Variants in SCML4 observed in about 807,000 individuals in gnomAD.
SCML4 encodes the protein Scm polycomb group protein like 4, also known as sex comb on midleg-like protein 4.
A neutral mutation model predicts 41.1 loss-of-function variants in SCML4; 34 were observed. That is an observed-to-expected ratio of 0.83 (90% CI 0.63 to 1.10). The LOEUF (loss-of-function observed/expected upper bound fraction) is 1.10. Ranked by LOEUF, SCML4 falls within the 50% of genes least tolerant of loss-of-function variation. The pLI is 0.00. For missense variants in SCML4, 522 were observed against 534.1 expected, an observed-to-expected ratio of 0.98 and a Z score of 0.22; for synonymous variants, 214 against 220.9, an observed-to-expected ratio of 0.97 and a Z score of 0.28.
intron 6 of SCML4, among the ~76,000 whole-genome samples, chr6:107,711,968 CTT>C (rs1419460957): frequency 1.3e-5 from 2 of 152,104 alleles, no homozygotes; most frequent in Non-Finnish European, 2.9e-5. Flanking sequence ...ATTGGATTGA[CTT>C]TGAGATCTTC....
intron 1 of SCML4, among the ~76,000 whole-genome samples, chr6:107,784,509 A>G (rs1477807079): frequency 6.6e-6 from 1 of 152,252 alleles, no homozygotes; most frequent in Non-Finnish European, 1.5e-5. Flanking sequence ...TGGATGCATA[A>G]GATACCACTG....
At chr6:107,831,400 A>G in the SCML4 span, among the ~76,000 whole-genome samples, 1 of 84,392 alleles carries the variant, frequency 1.2e-5, no homozygotes, top group Non-Finnish European at 2.2e-5. Flanking sequence ...GCAGTCTGAA[A>G]TTTTCATTCT....
chr6:107,816,373 T>C (rs1389582412), intron 1 of SCML4, among the ~76,000 whole-genome samples: 1 of 152,140 alleles, frequency 6.6e-6, no homozygotes, highest in Admixed American at 6.5e-5. Context: ...CATTCAGCAG[T>C]GGGGACTGAC....
intron 1 of SCML4, among the ~76,000 whole-genome samples, chr6:107,774,132 C>T (rs912634397): frequency 3.9e-5 from 6 of 152,072 alleles, no homozygotes; most frequent in Admixed American, 6.5e-5. Flanking sequence ...AAACAGAAAA[C>T]AATGCATTGT....
At chr6:107,731,134 C>T (rs766086988) in intron 5 of SCML4, among the ~76,000 whole-genome samples, 6 of 151,988 alleles carry the variant, frequency 3.9e-5, no homozygotes, top group Admixed American at 6.6e-5. Flanking sequence ...GAGAAAGCCA[C>T]GAGCCAGAGA....
intron 2 of SCML4, among the ~76,000 whole-genome samples, chr6:107,756,713 G>A (rs190027029): frequency 9.9e-5 from 15 of 152,184 alleles, no homozygotes; most frequent in Admixed American, 9.2e-4. Flanking sequence ...CGGGGTACGT[G>A]AGAATTCTCT....
In SCML4 at chr6:107,772,376, C is replaced by T. The variant is rs6909292; in HGVS notation, c.-49G>A. ...AATGAGGTGACAAATCGCTCACAGG[C>T]AGAAGAGGTGCTAAGAATTAGTCCA... On this transcript the variant is annotated 5_prime_UTR_variant, in exon 2 of 8. Coordinates refer to ENST00000369020, the MANE Select transcript of SCML4 (RefSeq NM_198081.5). The T allele has an allele frequency of 0.51, 770,127 of 1,511,144 alleles. 202,226 individuals are homozygous for T. The highest frequency in any genetic ancestry group is 0.71 in the East Asian group (28,869 of 40,656). 93.6% of individuals were successfully genotyped at this position (1,511,144 alleles called of 1,614,324 possible).
At chr6:107,777,709 T>C (rs1439664346) in intron 1 of SCML4, among the ~76,000 whole-genome samples, 2 of 152,116 alleles carry the variant, frequency 1.3e-5, no homozygotes, top group Non-Finnish European at 2.9e-5. Flanking sequence ...AAACAGATGA[T>C]GGACAGGAGT....
In SCML4 at chr6:107,705,057, CA is replaced by C. The variant is rs1773468627; in HGVS notation, c.*142del. 1 of 805,188 alleles carries C rather than the reference CA, an allele frequency of 1.2e-6. No individual in the cohort carries two copies. Among genetic ancestry groups the C allele is most frequent in the African/African-American group, 1.7e-5 (1 of 57,562 alleles). The allele number at this position is 805,188 out of a possible 1,614,324, so 49.9% of individuals were successfully genotyped here. ...AAATTCTTCAAAAGGCAAAGATTCA[CA>C]AGTTTTATAAAAAGACCACGTCTCT... is the stretch of plus-strand genomic sequence containing the variant. On this transcript the variant is annotated 3_prime_UTR_variant, in exon 8 of 8. Transcript: ENST00000369020.
chr6:107,822,815 C>T (rs1190668278), intron 1 of SCML4, among the ~76,000 whole-genome samples: 3 of 152,124 alleles, frequency 2.0e-5, no homozygotes, highest in East Asian at 1.9e-4. Context: ...TGAGTTTAGA[C>T]GATCACGCAG....
chr6:107,771,896 G>A (rs1479329422), intron 2 of SCML4, among the ~76,000 whole-genome samples: 2 of 152,202 alleles, frequency 1.3e-5, no homozygotes, highest in Non-Finnish European at 2.9e-5. Flanking sequence ...TTAATAATGT[G>A]TGTTTAGCGA....
intron 5 of SCML4, among the ~76,000 whole-genome samples, chr6:107,724,069 A>C (rs904608813): frequency 1.3e-5 from 2 of 152,220 alleles, no homozygotes; most frequent in African/African-American, 4.8e-5. Context: ...TCACACAATC[A>C]CCTCAACAGA....
At chr6:107,805,611 C>T (rs1427490374) in intron 1 of SCML4, among the ~76,000 whole-genome samples, 1 of 152,178 alleles carries the variant, frequency 6.6e-6, no homozygotes, top group Non-Finnish European at 1.5e-5. Flanking sequence ...TGTCAAACTA[C>T]ACTTGAAAAA....
chr6:107,778,409 T>C (rs1233488212), intron 1 of SCML4, among the ~76,000 whole-genome samples: 1 of 151,312 alleles, frequency 6.6e-6, no homozygotes, highest in Non-Finnish European at 1.5e-5. Context: ...TTAGTAGTCA[T>C]TAAAAGAGTC....
At chr6:107,762,646 T>A (rs942614607) in intron 2 of SCML4, among the ~76,000 whole-genome samples, 2 of 152,048 alleles carry the variant, frequency 1.3e-5, no homozygotes, top group African/African-American at 4.8e-5. Flanking sequence ...TGGAAGATGA[T>A]GGGAAGACAT....
chr6:107,831,661 G>T, the SCML4 span, among the ~76,000 whole-genome samples: 2 of 152,226 alleles, frequency 1.3e-5, no homozygotes, highest in Admixed American at 6.5e-5. Flanking sequence ...GCTCATGCCT[G>T]TGGTCCCAGC....
chr6:107,767,398 G>A (rs546141346), intron 2 of SCML4, among the ~76,000 whole-genome samples: 104 of 152,262 alleles, frequency 6.8e-4, no homozygotes, highest in African/African-American at 2.2e-3. Flanking sequence ...ACAAACAAAC[G>A]AAAACCCTTT....
intron 1 of SCML4, among the ~76,000 whole-genome samples, chr6:107,818,630 C>G (rs943226863): frequency 6.6e-6 from 1 of 152,228 alleles, no homozygotes; most frequent in African/African-American, 2.4e-5. Flanking sequence ...TATAATCACT[C>G]AGAAATGGTT....
At chr6:107,739,513 T>A (rs1425325790) in intron 5 of SCML4, among the ~76,000 whole-genome samples, 1 of 152,164 alleles carries the variant, frequency 6.6e-6, no homozygotes, top group Non-Finnish European at 1.5e-5. Context: ...ATGGCACCAA[T>A]CCTGGAACTC....
Sources: gnomAD v4.1 joint callset for allele counts (sites outside exome capture counted in the v4.1 genomes callset) on GRCh38, gnomAD v4.1.1 for gene constraint, MANE v1.5 for transcripts, NCBI Gene and HGNC (gene_info 2026-07-23, HGNC 2026-07-21) for gene names.